The following CDH23 variants were observed in gnomAD, a reference collection of about 807,000 sequenced individuals.
CDH23 encodes the protein cadherin-23.
In CDH23, 189 loss-of-function variants were observed where a neutral mutation model predicts 317.1. The ratio of observed to expected loss-of-function variants is 0.60; its 90% CI spans 0.53 to 0.67. The LOEUF is 0.67. Among genes scored for constraint, CDH23 ranks in the 30% least tolerant of loss-of-function variants. The pLI, the probability that CDH23 is intolerant of heterozygous loss-of-function variation, is 0.00. For synonymous variants in CDH23, 1,839 were observed against 1,876.8 expected (o/e 0.98, Z 0.52); for missense variants, 4,401 against 4,592.4 (o/e 0.96, Z 1.20).
chr10:71,536,276 G>A (rs1157160527), intron 6 of CDH23, among the ~76,000 whole-genome samples: 1 of 152,234 alleles, frequency 6.6e-6, no homozygotes, highest in African/African-American at 2.4e-5. Flanking sequence ...CCAAGGCAAT[G>A]AAGGGGACAC....
At chr10:71,666,574 T>A (rs541360427) in intron 14 of CDH23, among the ~76,000 whole-genome samples, 1 of 152,112 alleles carries the variant, frequency 6.6e-6, no homozygotes, top group Admixed American at 6.5e-5. Context: ...CCTTCTGAGA[T>A]GAGAGGGGAA....
chr10:71,702,765 C>A (rs1170377444), intron 24 of CDH23, 71 bp downstream of exon 24: 1 of 1,584,212 alleles, frequency 6.3e-7, no homozygotes, highest in Admixed American at 1.7e-5. Flanking sequence ...CTAGCCCAGG[C>A]TGAAAACTTT....
At chr10:71,690,816 G>C (rs1232866388) in intron 20 of CDH23, among the ~76,000 whole-genome samples, 1 of 152,224 alleles carries the variant, frequency 6.6e-6, no homozygotes, top group Admixed American at 6.5e-5. Flanking sequence ...AGGGTGAAGA[G>C]TTGTATTATG....
At chr10:71,709,298 G>C (rs1309301287) in intron 27 of CDH23, 87 bp downstream of exon 27, 10 of 1,177,956 alleles carry the variant, frequency 8.5e-6, no homozygotes, top group African/African-American at 3.0e-5. Flanking sequence ...TTTGCTAAAG[G>C]CTGAACTCTG....
intron 14 of CDH23, among the ~76,000 whole-genome samples, chr10:71,654,554 G>C (rs1307884946): frequency 1.3e-5 from 2 of 152,202 alleles, no homozygotes; most frequent in East Asian, 3.8e-4. Context: ...ATACAGAAAG[G>C]GTGCGGTAGG....
intron 38 of CDH23, among the ~76,000 whole-genome samples, chr10:71,773,133 A>C (rs1026444971): frequency 2.0e-5 from 3 of 152,230 alleles, no homozygotes; most frequent in Admixed American, 6.5e-5. Context: ...CCACTTGGGC[A>C]GCTGTCAGAG....
intron 28 of CDH23, chr10:71,713,254 C>A (rs768426691): frequency 1.3e-6 from 1 of 779,338 alleles, no homozygotes. Flanking sequence ...GAAGAAAGGG[C>A]TCCTTTGCCC....
rs771002870 is a variant in CDH23 at position 71,643,867 on chromosome 10, G to T, written c.1140+1G>T. 1 of 766,136 alleles carries T rather than the reference G, an allele frequency of 1.3e-6. No individual in the cohort carries two copies. The highest frequency in any genetic ancestry group is 1.3e-5 in the South Asian group (1 of 74,598). 47.5% of individuals were successfully genotyped at this position (766,136 alleles called of 1,614,324 possible). On this transcript the variant is annotated splice_donor_variant, in intron 12 of 69. Transcript: ENST00000224721. LOFTEE classifies it high-confidence loss of function. Reference sequence around the variant, plus strand: ...GACCGACTCCCATTGACAGAATTTGGTAAGTGAGCCTCTGAAGGGCAGGGG... The same window carrying T: ...GACCGACTCCCATTGACAGAATTTGTTAAGTGAGCCTCTGAAGGGCAGGGG...
chr10:71,552,195 G>A (rs117708421), intron 6 of CDH23, among the ~76,000 whole-genome samples: 1,686 of 152,344 alleles, frequency 0.011, 23 homozygotes, highest in Non-Finnish European at 0.018. Flanking sequence ...GGCTCAGAGA[G>A]CTTCAGTACT....
At chr10:71,598,390 A>T (rs1859998580) in intron 9 of CDH23, among the ~76,000 whole-genome samples, 1 of 152,198 alleles carries the variant, frequency 6.6e-6, no homozygotes, top group Non-Finnish European at 1.5e-5. Flanking sequence ...CAAGCTTGCA[A>T]ACACCCCAAG....
chr10:71,678,415 C>A (rs1223361763), intron 16 of CDH23, among the ~76,000 whole-genome samples: 1 of 152,166 alleles, frequency 6.6e-6, no homozygotes, highest in Non-Finnish European at 1.5e-5. Flanking sequence ...CAGCAAGTCC[C>A]CCACTAGGCT....
chr10:71,696,307 TG>T (rs1865388745), intron 22 of CDH23, among the ~76,000 whole-genome samples: 1 of 152,050 alleles, frequency 6.6e-6, no homozygotes, highest in South Asian at 2.1e-4. Context: ...CCCAGCCCTG[TG>T]GGGGACATGA....
At position 71,513,691 on chromosome 10, in the gene CDH23, T is replaced by G. The variant is rs141793249; in HGVS notation, c.429+2479T>G. Among the ~76,000 whole-genome samples the G allele has an allele frequency of 3.7e-3, 564 of 152,260 alleles. 5 individuals are homozygous for G. Among genetic ancestry groups the G allele is most frequent in the African/African-American group, 0.013 (534 of 41,546 alleles). ...TGCTGTTTCGTGGGAAGAGAGAAACTGGAGTCAGGACACCTGGGTTCTAGT... is the reference window on the plus strand; with the variant it reads ...TGCTGTTTCGTGGGAAGAGAGAAACGGGAGTCAGGACACCTGGGTTCTAGT... On this transcript the variant is annotated intron_variant, in intron 6 of 69. Transcript: ENST00000224721.
rs753141477 is a variant in CDH23 at position 71,646,557 on chromosome 10, A to G, written c.1389A>G (p.Pro463=). The change falls in exon 14 of 70, where the codon CCA becomes CCG. Residue 463 remains proline, a synonymous_variant. Coordinates refer to ENST00000224721, the MANE Select transcript of CDH23 (RefSeq NM_022124.6). ...ACAACCGGCCCATCTTCAGCCAGCC[A>G]CTGTACAACATCAGCCTGTACGAGA... is the stretch of plus-strand genomic sequence containing the variant. ...ENDNRPIFSQ[P]LYNISLYENV... 2 of 1,613,994 alleles carry G rather than the reference A, an allele frequency of 1.2e-6. No homozygotes were observed. The highest frequency in any genetic ancestry group is 4.5e-5 in the East Asian group (2 of 44,874).
rs751073617 is a variant in CDH23 at position 71,777,764 on chromosome 10, G to A, written c.4930G>A (p.Asp1644Asn). 1 of 1,613,836 alleles carries A rather than the reference G, an allele frequency of 6.2e-7. No individual in the cohort carries two copies. Among genetic ancestry groups the A allele is most frequent in the East Asian group, 2.2e-5 (1 of 44,860 alleles). The change falls in exon 39 of 70, where the codon GAT becomes AAT. Residue 1644 changes from aspartate (D) to asparagine (N), a missense_variant. Transcript: ENST00000224721. Reference protein sequence around the residue: ...FQQPHYEVLLDEGPDTLNTSL... With the variant: ...FQQPHYEVLLNEGPDTLNTSL... The stretch of plus-strand genomic sequence containing the variant: ...GCAGCCCCACTATGAGGTGCTGCTG[G>A]ATGAGGGCCCAGACACGCTCAACAC...
Position 71,738,598 on chromosome 10 carries a change from G to T in CDH23, c.4310G>T (p.Arg1437Leu). 6.2e-7 allele frequency: 1 copy of T among 1,613,772 alleles called. No homozygotes were observed. The highest frequency in any genetic ancestry group is 1.3e-5 in the African/African-American group (1 of 75,042). Residue 1437 changes from arginine to leucine, a missense_variant, in exon 35 of 70, where the codon CGA (arginine) becomes CTA (leucine). Arg to Leu is a moderately radical substitution (Grantham distance 102). Around this residue, in one of 3 missense-constraint regions of CDH23, gnomAD observed 3,068 missense variants for 3,203.3 expected, o/e 0.96. Coordinates refer to ENST00000224721, the MANE Select transcript of CDH23 (RefSeq NM_022124.6). ...SIPEDCPVGQ[R>L]VATVKAWDPD... The stretch of plus-strand genomic sequence containing the variant: ...CCCGAGGACTGCCCTGTGGGCCAGC[G>T]AGTGGCTACTGTCAAGGCCTGGGAC...
chr10:71,620,748 A>G (rs1278188747), intron 11 of CDH23, among the ~76,000 whole-genome samples: 1 of 152,196 alleles, frequency 6.6e-6, no homozygotes, highest in African/African-American at 2.4e-5. Flanking sequence ...GCCAATGAGG[A>G]GAGGCAGCCC....
At chr10:71,464,139 G>C (rs1426060730) in intron 3 of CDH23, among the ~76,000 whole-genome samples, 4 of 152,172 alleles carry the variant, frequency 2.6e-5, no homozygotes, top group Non-Finnish European at 5.9e-5. Flanking sequence ...AACTTAGGCT[G>C]TCTGGCACCA....
intron 34 of CDH23, among the ~76,000 whole-genome samples, chr10:71,736,196 G>C (rs1338636789): frequency 6.6e-6 from 1 of 152,244 alleles, no homozygotes. Flanking sequence ...GCCCTCTTCC[G>C]GTTAGCAGGG....
Sources: gnomAD v4.1 joint callset for allele counts (sites outside exome capture counted in the v4.1 genomes callset) on GRCh38, gnomAD v4.1.1 for gene constraint, gnomAD v4.1.1 regional missense constraint, MANE v1.5 for transcripts, NCBI Gene and HGNC (gene_info 2026-07-23, HGNC 2026-07-21) for gene names.